SUMF2: variants seen among roughly 807,000 people sequenced by gnomAD.
The protein encoded by SUMF2 is sulfatase modifying factor 2.
A neutral mutation model predicts 44.8 loss-of-function variants in SUMF2; 45 were observed. The ratio of observed to expected loss-of-function variants is 1.00; its 90% CI spans 0.79 to 1.29. The LOEUF (loss-of-function observed/expected upper bound fraction) is 1.29, where lower values mean the gene tolerates loss of function less well. SUMF2 is among the 50% of genes most tolerant of loss of function. The pLI is 0.00. For missense variants in SUMF2, 418 were observed against 389.9 expected (o/e 1.07, Z -0.61); for synonymous variants, 148 against 150.4 (o/e 0.98, Z 0.12).
At chr7:56,073,914 T>G (rs1795350608) in intron 3 of SUMF2, 1 of 533,160 alleles carries the variant, frequency 1.9e-6, no homozygotes, top group Non-Finnish European at 3.3e-6. Context: ...ACTCAGGAGG[T>G]TGAGGTGGGA....
chr7:56,080,255 C>G lies in SUMF2; in HGVS notation c.*643C>G, dbSNP rs1795887602. 6.4e-6 allele frequency: 1 copy of G among 156,772 alleles called. No individual in the cohort carries two copies. The highest frequency in any genetic ancestry group is 1.3e-5 in the Non-Finnish European group (1 of 74,438). The allele number at this position is 156,772 out of a possible 1,614,324, so 9.7% of individuals were successfully genotyped here. A position where few individuals can be genotyped will look rare whatever the true frequency, so the allele number is the denominator to read the frequency against. On this transcript the variant is annotated 3_prime_UTR_variant, in exon 9 of 9. Transcript: ENST00000434526. The stretch of plus-strand genomic sequence containing the variant: ...CAGAAAGACAAATATCAGAAGCTTC[C>G]TATTCTTTTTTTTTTTTTTTTTTTT...
chr7:56,083,736 T>C (rs768835111), downstream of SUMF2: 43 of 1,538,954 alleles, frequency 2.8e-5, no homozygotes, highest in Non-Finnish European at 3.8e-5. Context: ...AGAGGGTTGA[T>C]AGCTGGATCG....
downstream of SUMF2, among the ~76,000 whole-genome samples, chr7:56,083,890 C>T (rs1349381225): frequency 1.3e-5 from 2 of 152,170 alleles, no homozygotes; most frequent in African/African-American, 4.8e-5. Flanking sequence ...TCTGGAAGAA[C>T]TGGGAGAAAA....
rs772423772 is a variant in SUMF2, at chr7:56,068,661, AG to A, written c.224+25del. 7 of 1,603,142 alleles carry A rather than the reference AG, an allele frequency of 4.4e-6. No homozygotes were observed. The South Asian group carries it at 7.8e-5, about 18-fold the overall frequency. ...CAGGTACATCAGGTATTCTTCCAGG[AG>A]GAATGAAGACCCTCTCTAATCTCAT... is the stretch of plus-strand genomic sequence containing the variant. On this transcript the variant is annotated intron_variant, in intron 2 of 8. Transcript: ENST00000434526.
intron 1 of SUMF2, among the ~76,000 whole-genome samples, chr7:56,066,725 A>T (rs1794828310): frequency 6.6e-6 from 1 of 152,218 alleles, no homozygotes; most frequent in Non-Finnish European, 1.5e-5. Context: ...GGTGCAAGCG[A>T]TTCTCCTGCC....
At chr7:56,083,509 C>A, downstream of SUMF2, 1 of 1,578,100 alleles carries the variant, frequency 6.3e-7, no homozygotes. Flanking sequence ...GGAGACACAG[C>A]TCACATTTCA....
downstream of SUMF2, chr7:56,083,192 G>A (rs1433927373): frequency 8.3e-7 from 1 of 1,203,876 alleles, no homozygotes; most frequent in Non-Finnish European, 1.2e-6. Flanking sequence ...AATTAAGTTA[G>A]GGGAGAAACC....
In SUMF2 at chr7:56,079,547, T is replaced by G; in HGVS notation, c.841T>G (p.Ser281Ala). The G allele has an allele frequency of 6.2e-7, 1 of 1,613,658 alleles. No homozygotes were observed. The highest frequency in any genetic ancestry group is 8.5e-7 in the Non-Finnish European group (1 of 1,179,602). Reference protein sequence around the residue: ...VTTRMGNTPDSASDNLGFRCA... With the variant: ...VTTRMGNTPDAASDNLGFRCA... Reference sequence around the variant, plus strand: ...TGGCAGGATGGGCAACACTCCAGATTCAGCCTCAGACAACCTCGGTTTCCG... The same window carrying G: ...TGGCAGGATGGGCAACACTCCAGATGCAGCCTCAGACAACCTCGGTTTCCG... Residue 281 changes from serine to alanine, a missense_variant, in exon 9 of 9, where the codon TCA (serine) becomes GCA (alanine). Transcript: ENST00000434526.
intron 1 of SUMF2, among the ~76,000 whole-genome samples, chr7:56,068,279 C>T (rs1164057852): frequency 3.9e-5 from 6 of 151,982 alleles, no homozygotes; most frequent in Admixed American, 3.9e-4. Context: ...TCGTCATCTA[C>T]CCGCCTCGGC....
intron 1 of SUMF2, among the ~76,000 whole-genome samples, chr7:56,064,952 G>A (rs1361068107): frequency 1.3e-5 from 2 of 149,296 alleles, no homozygotes; most frequent in African/African-American, 4.9e-5. Flanking sequence ...CAGCACTTTG[G>A]GAGGCCGAGG....
chr7:56,081,841 G>A, downstream of SUMF2: 2 of 1,609,798 alleles, frequency 1.2e-6, no homozygotes, highest in South Asian at 2.2e-5. This position sits in a 1 kb window ranked among gnomAD's most constrained non-coding sequence, Gnocchi z 4.6. Flanking sequence ...CCGGGCAGGG[G>A]CGCCTGGCAT....
rs768393097 is a variant in SUMF2, at chr7:56,079,774, G to A, written c.*162G>A. 3.2e-6 allele frequency: 5 copies of A among 1,557,284 alleles called. No homozygotes were observed. The highest frequency in any genetic ancestry group is 3.9e-5 in the Admixed American group (2 of 51,230). On this transcript the variant is annotated 3_prime_UTR_variant, in exon 9 of 9. Coordinates refer to ENST00000434526, the MANE Select transcript of SUMF2 (RefSeq NM_015411.4). ...GTGGCAGGCGCCTCTCACCAGGGCA[G>A]GAGAGGACTCAGCCTCCTGTGTTTT...
intron 2 of SUMF2, among the ~76,000 whole-genome samples, chr7:56,069,955 C>G (rs71543784): frequency 0.043 from 6,614 of 152,108 alleles, 260 homozygotes; most frequent in East Asian, 0.2. Flanking sequence ...GTTGCCTAGG[C>G]TGGAGTGCAA....
rs766756211 is a variant in SUMF2 at position 56,073,044 on chromosome 7, G to A, written c.272G>A (p.Gly91Glu). 6.2e-7 allele frequency: 1 copy of A among 1,614,156 alleles called. No homozygotes were observed. Among genetic ancestry groups the A allele is most frequent in the South Asian group, 1.1e-5 (1 of 91,082 alleles). ...KKYRTEAEMF[G>E]WSFVFEDFVS... ...TATCGGACAGAAGCTGAGATGTTTG[G>A]ATGGAGCTTTGTCTTTGAGGACTTT... The change falls in exon 3 of 9, where the codon GGA becomes GAA. Residue 91 changes from glycine to glutamate, a missense_variant. Coordinates refer to ENST00000434526, the MANE Select transcript of SUMF2 (RefSeq NM_015411.4).
At chr7:56,072,955 C>G (rs199575961) in intron 2 of SUMF2, 42 bp from the exon 3 acceptor site, 10 of 1,511,272 alleles carry the variant, frequency 6.6e-6, no homozygotes, top group African/African-American at 1.4e-5. Context: ...GGGGTGGGCA[C>G]AGAACCTCAC....
At chr7:56,068,031 CTTTTTTTTTTTTTT>C (rs565131237) in intron 1 of SUMF2, among the ~76,000 whole-genome samples, 1 of 110,350 alleles carries the variant, frequency 9.1e-6, no homozygotes, top group Non-Finnish European at 1.9e-5. Flanking sequence ...TTTTTTCTTT[CTTTTTTTTTTTTTT>C]TTTTTTTGAG....
chr7:56,076,901 G>T lies in SUMF2; in HGVS notation c.591+12G>T, dbSNP rs200151055. ...CCAACCTGTGGCAGGTAAGACCTAC[G>T]TTCCTCCTTTCACCAAGCATTGACA... is the stretch of plus-strand genomic sequence containing the variant. On this transcript the variant is annotated intron_variant, in intron 6 of 8. Coordinates refer to ENST00000434526, the MANE Select transcript of SUMF2 (RefSeq NM_015411.4). 1 of 1,602,922 alleles carries T rather than the reference G, an allele frequency of 6.2e-7. No homozygotes were observed. The highest frequency in any genetic ancestry group is 1.3e-5 in the African/African-American group (1 of 74,578).
chr7:56,069,989 A>G (rs930539210), intron 2 of SUMF2, among the ~76,000 whole-genome samples: 2 of 151,566 alleles, frequency 1.3e-5, no homozygotes, highest in African/African-American at 4.9e-5. Context: ...GCTCACCACA[A>G]CCTCCACCTC....
the SUMF2 span, chr7:56,086,903 G>A: frequency 1.6e-6 from 2 of 1,221,712 alleles, no homozygotes; most frequent in South Asian, 2.4e-5. Context: ...GGCAGCCCTG[G>A]GGTTGGGGAG....
Sources: allele counts gnomAD v4.1 joint callset (sites outside exome capture counted in the v4.1 genomes callset), GRCh38; gene constraint gnomAD v4.1.1; non-coding constraint Gnocchi (gnomAD v3.1); transcripts MANE v1.5; gene names NCBI Gene and HGNC (gene_info 2026-07-23, HGNC 2026-07-21).